Variants in DIAPH2 observed in about 807,000 individuals in gnomAD.
The protein encoded by DIAPH2 is protein diaphanous homolog 2.
Under a neutral mutation model 92.7 loss-of-function variants are expected in DIAPH2, and 35 were observed. The observed-to-expected ratio is 0.38, with a 90% CI of 0.29 to 0.50. The LOEUF (loss-of-function observed/expected upper bound fraction) is 0.50, where lower values mean the gene tolerates loss of function less well. Ranked by LOEUF, DIAPH2 falls within the 20% of genes least tolerant of loss-of-function variation. The pLI is 0.94. For synonymous variants in DIAPH2, 301 were observed against 280.4 expected (o/e 1.07, Z -0.73); for missense variants, 701 against 819.5 (o/e 0.86, Z 1.77).
intron 3 of DIAPH2, among the ~76,000 whole-genome samples, chrX:96,757,127 CA>C (rs1422985081): frequency 2.7e-5 from 3 of 109,525 alleles, no homozygotes; most frequent in African/African-American, 1.0e-4. Context: ...CCGTGTTAGC[CA>C]GGATGGTCTC....
intron 21 of DIAPH2, among the ~76,000 whole-genome samples, chrX:97,129,964 C>A (rs898944348): frequency 8.9e-6 from 1 of 112,175 alleles, no homozygotes; most frequent in Admixed American, 9.5e-5. Flanking sequence ...ATAAATATTT[C>A]TCCAGAGAAG....
At chrX:97,010,015 A>G (rs1420466954) in intron 17 of DIAPH2, among the ~76,000 whole-genome samples, 1 of 111,904 alleles carries the variant, frequency 8.9e-6, no homozygotes, top group African/African-American at 3.3e-5. Flanking sequence ...GGAGTTGCCC[A>G]GGAATGGCAG....
In DIAPH2 at chrX:97,266,806, CCTAAT is replaced by C. The variant is rs765717895; in HGVS notation, c.2844+18971_2844+18975del. On this transcript the variant is annotated intron_variant, in intron 23 of 26. Coordinates refer to ENST00000324765, the MANE Select transcript of DIAPH2 (RefSeq NM_006729.5). ...TTTGACTAACACATGCTTTTAATTG[CCTAAT>C]CTATTTTGGCTTTACCTTTAGAGAA... 1.8e-3 allele frequency among the ~76,000 whole-genome samples: 202 copies of C among 111,826 alleles called. 1 individual carries two copies. Among genetic ancestry groups the C allele is most frequent in the African/African-American group, 6.4e-3 (198 of 30,886 alleles).
At chrX:97,411,756 G>C (rs1261321175) in intron 25 of DIAPH2, among the ~76,000 whole-genome samples, 1 of 111,523 alleles carries the variant, frequency 9.0e-6, no homozygotes, top group Non-Finnish European at 1.9e-5. Flanking sequence ...TGCAATCCTA[G>C]TCTCTGATAA....
intron 25 of DIAPH2, among the ~76,000 whole-genome samples, chrX:97,392,396 A>G (rs1219821074): frequency 3.6e-5 from 4 of 112,154 alleles, no homozygotes; most frequent in African/African-American, 1.3e-4. Context: ...TTGTCAGAGA[A>G]ATAAAATAAA....
In DIAPH2 at chrX:96,857,034, A is replaced by G. The variant is rs374618440; in HGVS notation, c.448-24545A>G. Among the ~76,000 whole-genome samples the G allele has an allele frequency of 6.6e-5, 4 of 60,783 alleles. No homozygotes were observed. In the East Asian group the frequency reaches 2.6e-3, roughly 39 times the overall value. The allele number at this position is 60,783 out of a possible 115,157, so 52.8% of individuals were successfully genotyped here. Reference sequence around the variant, plus strand: ...AGGCTGGGAGACAGAGTGAGACTGCATCTTAAAAAAAAAGAAAAGTGGTGT... The same window carrying G: ...AGGCTGGGAGACAGAGTGAGACTGCGTCTTAAAAAAAAAGAAAAGTGGTGT... On this transcript the variant is annotated intron_variant, in intron 4 of 26. Coordinates refer to ENST00000324765, the MANE Select transcript of DIAPH2 (RefSeq NM_006729.5).
At chrX:97,239,171 T>G (rs894169732) in intron 22 of DIAPH2, among the ~76,000 whole-genome samples, 5 of 112,017 alleles carry the variant, frequency 4.5e-5, no homozygotes, top group Non-Finnish European at 9.4e-5. Flanking sequence ...ATACTGTGAT[T>G]TTTTTTCTTG....
chrX:97,481,726 GC>G (rs2070652315), intron 26 of DIAPH2, among the ~76,000 whole-genome samples: 1 of 110,767 alleles, frequency 9.0e-6, no homozygotes, highest in African/African-American at 3.3e-5. Context: ...ACTCCCTACT[GC>G]CCCCACCCCC....
intron 23 of DIAPH2, among the ~76,000 whole-genome samples, chrX:97,283,681 G>A (rs2068516976): frequency 2.7e-5 from 3 of 112,790 alleles, no homozygotes; most frequent in African/African-American, 6.4e-5. Flanking sequence ...GGTGGCTCAC[G>A]CCTGTAATCC....
intron 25 of DIAPH2, among the ~76,000 whole-genome samples, chrX:97,419,338 A>T (rs1018426527): frequency 2.7e-5 from 3 of 112,509 alleles, no homozygotes; most frequent in African/African-American, 6.5e-5. Flanking sequence ...AAGGTCTCTT[A>T]CTGCAACAAC....
chrX:97,030,111 C>A (rs1047219969), intron 17 of DIAPH2, among the ~76,000 whole-genome samples: 2 of 111,510 alleles, frequency 1.8e-5, no homozygotes, highest in South Asian at 3.8e-4. Context: ...CTAATTAATT[C>A]ATATTTATTA....
intron 3 of DIAPH2, among the ~76,000 whole-genome samples, chrX:96,743,097 T>G (rs1022075751): frequency 8.9e-6 from 1 of 112,788 alleles, no homozygotes; most frequent in African/African-American, 3.2e-5. Flanking sequence ...TTATGATTTT[T>G]TTTAAAAAAG....
chrX:97,327,256 G>A (rs1433019980), intron 23 of DIAPH2, among the ~76,000 whole-genome samples: 8 of 101,751 alleles, frequency 7.9e-5, no homozygotes, highest in African/African-American at 2.2e-4. Context: ...CTGCCACCCC[G>A]CCCGGCTAAT....
intron 4 of DIAPH2, among the ~76,000 whole-genome samples, chrX:96,782,621 A>C (rs912456697): frequency 9.0e-6 from 1 of 110,858 alleles, no homozygotes; most frequent in African/African-American, 3.3e-5. Flanking sequence ...TTTTGTAGAG[A>C]TGGGGTTTCG....
chrX:96,713,885 A>G (rs1384535784), intron 1 of DIAPH2, among the ~76,000 whole-genome samples: 1 of 111,852 alleles, frequency 8.9e-6, no homozygotes, highest in Non-Finnish European at 1.9e-5. Flanking sequence ...CCGTTCACCT[A>G]CTGAAGGACA....
At chrX:97,356,552 T>A (rs1237783876) in intron 24 of DIAPH2, among the ~76,000 whole-genome samples, 1 of 112,157 alleles carries the variant, frequency 8.9e-6, no homozygotes, top group Non-Finnish European at 1.9e-5. Flanking sequence ...ATTCCCCAGC[T>A]GTGCCAGAGA....
At chrX:97,390,208 C>CTTTTTTTTTTTT (rs142044871) in intron 25 of DIAPH2, among the ~76,000 whole-genome samples, 5 of 33,188 alleles carry the variant, frequency 1.5e-4, no homozygotes, top group Admixed American at 6.3e-4. Context: ...TGCTTTCTGT[C>CTTTTTTTTTTTT]TTTTTTTTTT....
intron 22 of DIAPH2, among the ~76,000 whole-genome samples, chrX:97,146,959 C>T (rs973521473): frequency 1.0e-3 from 116 of 111,042 alleles, no homozygotes; most frequent in African/African-American, 3.6e-3. Context: ...TGAAGCATTG[C>T]CTGAAGAATT....
At chrX:97,270,246 T>G (rs1371127285) in intron 23 of DIAPH2, among the ~76,000 whole-genome samples, 1 of 110,297 alleles carries the variant, frequency 9.1e-6, no homozygotes, top group Non-Finnish European at 1.9e-5. Context: ...GCATTTTTAG[T>G]AGAAATAGGG....
Sources: allele counts gnomAD v4.1 joint callset (sites outside exome capture counted in the v4.1 genomes callset), GRCh38; gene constraint gnomAD v4.1.1; transcripts MANE v1.5; gene names NCBI Gene and HGNC (gene_info 2026-07-23, HGNC 2026-07-21).